PDE3B: variants seen among roughly 807,000 people sequenced by gnomAD.
PDE3B encodes the protein phosphodiesterase 3B.
In PDE3B, 66 loss-of-function variants were observed where a neutral mutation model predicts 116.8. The ratio of observed to expected loss-of-function variants is 0.56; its 90% CI spans 0.46 to 0.69. The LOEUF is 0.69. Ranked by LOEUF, PDE3B falls within the 30% of genes least tolerant of loss-of-function variation. The probability of loss-of-function intolerance (pLI) is 0.00; values close to 1 mark genes in which losing one functional copy is unlikely to be tolerated. For synonymous variants in PDE3B, 595 were observed against 533.6 expected (o/e 1.12, Z -1.59); for missense variants, 1,384 against 1,368.1 (o/e 1.01, Z -0.18).
intron 4 of PDE3B, among the ~76,000 whole-genome samples, chr11:14,794,332 T>G (rs966357573): frequency 6.6e-6 from 1 of 151,456 alleles, no homozygotes; most frequent in African/African-American, 2.4e-5. Context: ...TTTTTTTTTT[T>G]TTGAGACAGA....
At chr11:14,782,218 C>A (rs957133816) in intron 2 of PDE3B, among the ~76,000 whole-genome samples, 3 of 152,192 alleles carry the variant, frequency 2.0e-5, no homozygotes, top group East Asian at 3.8e-4. Context: ...CCATCCCCAA[C>A]AAGCTAGCAT....
At chr11:14,798,735 ATCC>A (rs1590154212) in intron 4 of PDE3B, among the ~76,000 whole-genome samples, 1 of 152,278 alleles carries the variant, frequency 6.6e-6, no homozygotes, top group East Asian at 1.9e-4. Context: ...TGTTTATAGT[ATCC>A]TCTGATGGTA....
Position 14,867,525 on chromosome 11 carries a change from T to G in PDE3B, c.2906T>G (p.Leu969Arg). 1 of 1,613,684 alleles carries G rather than the reference T, an allele frequency of 6.2e-7. No homozygotes were observed. Among genetic ancestry groups the G allele is most frequent in the Non-Finnish European group, 8.5e-7 (1 of 1,179,768 alleles). ...FYEQGDEEAN[L>R]GLPISPFMDR... ...ATGCAGGGAGATGAAGAAGCAAATC[T>G]TGGTCTGCCCATCAGTCCATTCATG... Residue 969 changes from leucine (L) to arginine (R), a missense_variant, in exon 15 of 16, where the codon CTT becomes CGT. Leu to Arg is a moderately radical substitution (Grantham distance 102). Coordinates refer to ENST00000282096, the MANE Select transcript of PDE3B (RefSeq NM_000922.4).
chr11:14,649,755 A>G (rs945185065), intron 1 of PDE3B, among the ~76,000 whole-genome samples: 1 of 152,234 alleles, frequency 6.6e-6, no homozygotes, highest in African/African-American at 2.4e-5. Context: ...ATGTACCTAC[A>G]TAACATTTAT....
intron 1 of PDE3B, among the ~76,000 whole-genome samples, chr11:14,656,951 AG>A (rs901144593): frequency 6.6e-5 from 10 of 152,202 alleles, no homozygotes; most frequent in Admixed American, 2.0e-4. Context: ...GGGATTATAT[AG>A]GGGAAATTCT....
chr11:14,745,401 C>CAT lies in PDE3B; in HGVS notation c.979-26534_979-26533dup, dbSNP rs565154879. On this transcript the variant is annotated intron_variant, in intron 1 of 15. Coordinates refer to ENST00000282096, the MANE Select transcript of PDE3B (RefSeq NM_000922.4). Reference sequence around the variant, plus strand: ...TAACTATATTGATTAAGTTATTATACATACACACACACAGCAGATCTAATA... The same window carrying CAT: ...TAACTATATTGATTAAGTTATTATACATATACACACACACAGCAGATCTAATA... Among the ~76,000 whole-genome samples the CAT allele has an allele frequency of 1.2e-4, 19 of 152,118 alleles. No homozygotes were observed. In the South Asian group the frequency reaches 2.7e-3, roughly 22 times the overall value.
intron 1 of PDE3B, among the ~76,000 whole-genome samples, chr11:14,654,371 T>C (rs995221207): frequency 8.5e-5 from 13 of 152,068 alleles, no homozygotes; most frequent in African/African-American, 3.1e-4. Context: ...GTAGCCACAG[T>C]GGAATCCATA....
chr11:14,879,297 T>C, the PDE3B span: 318 of 1,613,252 alleles, frequency 2.0e-4, 1 homozygote, highest in African/African-American at 3.6e-3. Flanking sequence ...TCTTCAGAGG[T>C]TGCATGGAAA....
chr11:14,824,167 C>T (rs1859615270), intron 7 of PDE3B, among the ~76,000 whole-genome samples: 1 of 152,146 alleles, frequency 6.6e-6, no homozygotes, highest in African/African-American at 2.4e-5. Flanking sequence ...CAATCAGAGG[C>T]AGCCCAGCAG....
In PDE3B at chr11:14,745,564, A is replaced by G. The variant is rs112912268; in HGVS notation, c.979-26373A>G. Among the ~76,000 whole-genome samples, 1,445 of 152,306 alleles carry G rather than the reference A, an allele frequency of 9.5e-3. 26 individuals are homozygous for G. The highest frequency in any genetic ancestry group is 0.032 in the African/African-American group (1,350 of 41,564). ...TTAGAAGTATTGATTTCTGCTCACC[A>G]TCATTTGTCAACTTTGATGTTAGAC... On this transcript the variant is annotated intron_variant, in intron 1 of 15. Coordinates refer to ENST00000282096, the MANE Select transcript of PDE3B (RefSeq NM_000922.4).
intron 1 of PDE3B, among the ~76,000 whole-genome samples, chr11:14,698,294 G>A (rs1382898580): frequency 6.6e-6 from 1 of 151,548 alleles, no homozygotes; most frequent in Non-Finnish European, 1.5e-5. Flanking sequence ...TGCATCTATT[G>A]AGATGATCCT....
intron 2 of PDE3B, among the ~76,000 whole-genome samples, chr11:14,778,163 C>T (rs113486876): frequency 9.3e-4 from 141 of 152,284 alleles, no homozygotes; most frequent in African/African-American, 3.2e-3. Context: ...AACAAAGCAG[C>T]CCTGAAGCTC....
At chr11:14,880,868 C>A in the PDE3B span, 1 of 1,105,470 alleles carries the variant, frequency 9.0e-7, no homozygotes, top group Non-Finnish European at 1.3e-6. Context: ...TCATCCTTCT[C>A]CAAATTGTCC....
chr11:14,677,689 G>A (rs1854572410), intron 1 of PDE3B, among the ~76,000 whole-genome samples: 1 of 151,996 alleles, frequency 6.6e-6, no homozygotes, highest in Non-Finnish European at 1.5e-5. Context: ...CTATCCCTTT[G>A]TAGTTATATC....
chr11:14,765,268 T>C (rs1262668240), intron 1 of PDE3B, among the ~76,000 whole-genome samples: 1 of 151,956 alleles, frequency 6.6e-6, no homozygotes, highest in Non-Finnish European at 1.5e-5. Flanking sequence ...TTCTGTAAGC[T>C]TGATTTGAGG....
At chr11:14,713,959 G>T (rs1590082197) in intron 1 of PDE3B, among the ~76,000 whole-genome samples, 1 of 152,098 alleles carries the variant, frequency 6.6e-6, no homozygotes, top group South Asian at 2.1e-4. Flanking sequence ...TGTTTCTACT[G>T]TTTTTTTGCA....
intron 12 of PDE3B, among the ~76,000 whole-genome samples, chr11:14,848,194 C>T (rs1847655040): frequency 2.2e-5 from 3 of 139,500 alleles, no homozygotes; most frequent in African/African-American, 8.1e-5. Context: ...ATATGCAAAT[C>T]AATAAATGTA....
At chr11:14,771,909 T>C in intron 1 of PDE3B, 28 bp from the exon 2 acceptor site, 2 of 1,150,916 alleles carry the variant, frequency 1.7e-6, no homozygotes, top group Non-Finnish European at 2.4e-6. Flanking sequence ...TATTTTTGGT[T>C]TGTAACCAAG....
chr11:14,760,247 A>T (rs1165225388), intron 1 of PDE3B, among the ~76,000 whole-genome samples: 2 of 152,172 alleles, frequency 1.3e-5, no homozygotes, highest in East Asian at 3.8e-4. Flanking sequence ...AGCCCTTAAT[A>T]GATGTTAGCT....
Sources: gnomAD v4.1 joint callset for allele counts (sites outside exome capture counted in the v4.1 genomes callset) on GRCh38, gnomAD v4.1.1 for gene constraint, MANE v1.5 for transcripts, NCBI Gene and HGNC (gene_info 2026-07-23, HGNC 2026-07-21) for gene names.